The following TLE1 variants were observed in gnomAD, a reference collection of about 807,000 sequenced individuals.
The protein encoded by TLE1 is transducin-like enhancer protein 1.
Under a neutral mutation model 89.8 loss-of-function variants are expected in TLE1, and 21 were observed. That is an observed-to-expected ratio of 0.23 (90% CI 0.17 to 0.34). TLE1 has a LOEUF of 0.34. Ranked by LOEUF, TLE1 falls within the 10% of genes least tolerant of loss-of-function variation. The probability of loss-of-function intolerance (pLI) is 1.00; values close to 1 mark genes in which losing one functional copy is unlikely to be tolerated. For synonymous variants in TLE1, 447 were observed against 407.6 expected (o/e 1.10, Z -1.16); for missense variants, 795 against 1,031.2 (o/e 0.77, Z 3.14).
At chr9:81,679,308 T>A (rs1466080260) in intron 4 of TLE1, among the ~76,000 whole-genome samples, 1 of 152,256 alleles carries the variant, frequency 6.6e-6, no homozygotes, top group South Asian at 2.1e-4. Flanking sequence ...TCTTCACTTT[T>A]TTTTCTTTTT....
intron 1 of TLE1, among the ~76,000 whole-genome samples, chr9:81,687,997 G>A (rs549181673): frequency 2.0e-5 from 3 of 152,210 alleles, no homozygotes; most frequent in South Asian, 2.1e-4. Flanking sequence ...TGTCCGCTCG[G>A]TATAGACGTC....
At chr9:81,587,924 G>GTCATCCCGCCTA in intron 16 of TLE1, 96 bp from the exon 17 acceptor site, 1 of 1,019,694 alleles carries the variant, frequency 9.8e-7, no homozygotes, top group South Asian at 1.9e-5. Flanking sequence ...GTGTGTGTGT[G>GTCATCCCGCCTA]TGTGTGTGTG....
intron 4 of TLE1, among the ~76,000 whole-genome samples, chr9:81,654,778 T>TA (rs1829963706): frequency 6.6e-6 from 1 of 152,174 alleles, no homozygotes; most frequent in African/African-American, 2.4e-5. Flanking sequence ...CCTAAGGTGA[T>TA]AGAGTAGAAG....
At position 81,600,866 on chromosome 9, in the gene TLE1, C is replaced by T. The variant is rs145165959; in HGVS notation, c.1332-7592G>A. Among the ~76,000 whole-genome samples the T allele has an allele frequency of 4.0e-3, 611 of 152,292 alleles. 2 individuals are homozygous for T. The highest frequency in any genetic ancestry group is 0.01 in the African/African-American group (420 of 41,560). On this transcript the variant is annotated intron_variant, in intron 14 of 19. Coordinates refer to ENST00000376499, the MANE Select transcript of TLE1 (RefSeq NM_005077.5). ...ACAGGACAGAAAGTTAGAGGAGGAG[C>T]AAGTGTGCCCTTCACTTGAGCTGGA...
rs1433573764 is a variant in TLE1, at chr9:81,587,912, G to GTGTGTGTGTGTGTGTGTCATCCCGCC, written c.1830-85_1830-84insGGCGGGATGACACACACACACACACA. 1,399 of 908,764 alleles carry GTGTGTGTGTGTGTGTGTCATCCCGCC rather than the reference G, an allele frequency of 1.5e-3. 35 individuals are homozygous for GTGTGTGTGTGTGTGTGTCATCCCGCC. Among genetic ancestry groups the GTGTGTGTGTGTGTGTGTCATCCCGCC allele is most frequent in the Middle Eastern group, 3.5e-3 (14 of 4,050 alleles). The allele number at this position is 908,764 out of a possible 1,614,324, so 56.3% of individuals were successfully genotyped here. On this transcript the variant is annotated intron_variant, in intron 16 of 19. Coordinates refer to ENST00000376499, the MANE Select transcript of TLE1 (RefSeq NM_005077.5). ...TTGTGTTGTTAGTTTTGGACCGTGT[G>GTGTGTGTGTGTGTGTGTCATCCCGCC]TGTGTGTGTGTGTGTGTGTGTGTGT...
chr9:81,587,898 G>C, intron 16 of TLE1, 70 bp from the exon 17 acceptor site: 1 of 1,095,562 alleles, frequency 9.1e-7, no homozygotes, highest in Admixed American at 2.2e-5. Context: ...TGTGTTGTTA[G>C]TTTTGGACCG....
chr9:81,634,323 G>C, intron 6 of TLE1, 22 bp from the exon 7 acceptor site: 2 of 1,463,080 alleles, frequency 1.4e-6, no homozygotes, highest in Non-Finnish European at 1.8e-6. Context: ...GGTGGTGAGA[G>C]AGAAAAAGGA....
chr9:81,628,922 A>C (rs1826230957), intron 8 of TLE1, among the ~76,000 whole-genome samples: 1 of 152,158 alleles, frequency 6.6e-6, no homozygotes, highest in African/African-American at 2.4e-5. Flanking sequence ...TCTGCAAAAG[A>C]GCACGGACCC....
At chr9:81,638,177 G>C (rs1827647777) in intron 6 of TLE1, among the ~76,000 whole-genome samples, 2 of 152,120 alleles carry the variant, frequency 1.3e-5, no homozygotes, top group African/African-American at 4.8e-5. Flanking sequence ...TTTACGCTTA[G>C]ACTGCATGAG....
intron 6 of TLE1, among the ~76,000 whole-genome samples, chr9:81,648,532 T>A (rs1829152954): frequency 6.6e-6 from 1 of 152,202 alleles, no homozygotes; most frequent in Non-Finnish European, 1.5e-5. Context: ...TGTACAGATA[T>A]GTATCTCTCT....
At chr9:81,674,006 A>G (rs1212250503) in intron 4 of TLE1, among the ~76,000 whole-genome samples, 2 of 152,072 alleles carry the variant, frequency 1.3e-5, no homozygotes, top group East Asian at 3.9e-4. Flanking sequence ...ACCGAAAGCA[A>G]CCTTTTTATT....
intron 9 of TLE1, 97 bp downstream of exon 9, chr9:81,620,344 A>C (rs1033909987): frequency 1.0e-6 from 1 of 958,172 alleles, no homozygotes; most frequent in East Asian, 2.4e-5. Context: ...TATTATGTTT[A>C]AGGACATGGA....
chr9:81,584,045 C>A lies in TLE1; in HGVS notation c.*153G>T. On this transcript the variant is annotated 3_prime_UTR_variant, in exon 20 of 20. Transcript: ENST00000376499. Reference sequence around the variant, plus strand: ...GACTTTCTGCTGATGGACTTGTCGCCTCCTCTTTGTAGACTCAAAGTAGTT... The same window carrying A: ...GACTTTCTGCTGATGGACTTGTCGCATCCTCTTTGTAGACTCAAAGTAGTT... 1 of 668,338 alleles carries A rather than the reference C, an allele frequency of 1.5e-6. No individual in the cohort carries two copies. The highest frequency in any genetic ancestry group is 1.9e-5 in the South Asian group (1 of 51,538). 41.4% of individuals were successfully genotyped at this position (668,338 alleles called of 1,614,324 possible).
intron 8 of TLE1, among the ~76,000 whole-genome samples, chr9:81,627,164 C>T (rs1826006271): frequency 6.6e-6 from 1 of 152,050 alleles, no homozygotes; most frequent in African/African-American, 2.4e-5. Flanking sequence ...AAGATGAGGA[C>T]ACAGAGTTTG....
intron 4 of TLE1, among the ~76,000 whole-genome samples, chr9:81,675,937 G>A (rs904954190): frequency 2.6e-5 from 4 of 152,002 alleles, no homozygotes; most frequent in African/African-American, 7.3e-5. Flanking sequence ...CTGACCTCGT[G>A]ATCCGCCCGC....
chr9:81,659,031 C>T (rs1830460220), intron 4 of TLE1, among the ~76,000 whole-genome samples: 1 of 152,014 alleles, frequency 6.6e-6, no homozygotes, highest in Non-Finnish European at 1.5e-5. Flanking sequence ...TCCTCAGCCT[C>T]GCGAGTAGCT....
chr9:81,666,124 G>A (rs548250729), intron 4 of TLE1, among the ~76,000 whole-genome samples: 1 of 152,238 alleles, frequency 6.6e-6, no homozygotes, highest in East Asian at 1.9e-4. Context: ...TTCAGAAAGA[G>A]CCTGTTCACA....
intron 8 of TLE1, among the ~76,000 whole-genome samples, chr9:81,632,068 T>C (rs1288019425): frequency 6.6e-6 from 1 of 151,738 alleles, no homozygotes; most frequent in African/African-American, 2.4e-5. Flanking sequence ...CCAGCCTGGG[T>C]GACAGAGCGA....
intron 14 of TLE1, among the ~76,000 whole-genome samples, chr9:81,595,506 CA>C (rs1228572867): frequency 6.6e-6 from 1 of 152,126 alleles, no homozygotes; most frequent in Admixed American, 6.5e-5. Context: ...GAAGAAATGA[CA>C]AGTAAATTTC....
Sources: allele counts gnomAD v4.1 joint callset (sites outside exome capture counted in the v4.1 genomes callset), GRCh38; gene constraint gnomAD v4.1.1; transcripts MANE v1.5; gene names NCBI Gene and HGNC (gene_info 2026-07-23, HGNC 2026-07-21).